The following TBC1D22A variants were observed in gnomAD, a reference collection of about 807,000 sequenced individuals.
The protein encoded by TBC1D22A is putative GTPase activator.
Under a neutral mutation model 60.2 loss-of-function variants are expected in TBC1D22A, and 38 were observed. That is an observed-to-expected ratio of 0.63 (90% CI 0.49 to 0.83). The LOEUF is 0.83. Ranked by LOEUF, TBC1D22A falls within the 40% of genes least tolerant of loss-of-function variation. The probability of loss-of-function intolerance (pLI) is 0.00; values close to 1 mark genes in which losing one functional copy is unlikely to be tolerated. For missense variants in TBC1D22A, 628 were observed against 701.0 expected, an observed-to-expected ratio of 0.90 and a Z score of 1.18; for synonymous variants, 302 against 281.7, an observed-to-expected ratio of 1.07 and a Z score of -0.72.
intron 11 of TBC1D22A, among the ~76,000 whole-genome samples, chr22:47,076,790 T>TA (rs2064245912): frequency 6.6e-6 from 1 of 151,974 alleles, no homozygotes; most frequent in Non-Finnish European, 1.5e-5. Context: ...AAAAAACAGT[T>TA]AAAAAAGAAT....
At chr22:46,769,093 CAAAA>C (rs61105868) in intron 1 of TBC1D22A, among the ~76,000 whole-genome samples, 4 of 72,654 alleles carry the variant, frequency 5.5e-5, no homozygotes, top group Middle Eastern at 9.4e-3. Context: ...GACTCTGTCT[CAAAA>C]AAAAAAAAAA....
intron 5 of TBC1D22A, among the ~76,000 whole-genome samples, chr22:46,890,651 C>G (rs975676044): frequency 6.6e-6 from 1 of 152,160 alleles, no homozygotes; most frequent in Non-Finnish European, 1.5e-5. Flanking sequence ...CCTGGGCAGT[C>G]TGGCCCAGGA....
intron 4 of TBC1D22A, among the ~76,000 whole-genome samples, chr22:46,799,879 C>G (rs959238206): frequency 6.6e-5 from 10 of 152,240 alleles, no homozygotes; most frequent in African/African-American, 2.4e-4. Flanking sequence ...AAGATGTGGA[C>G]TCCGATCACT....
At chr22:46,947,050 C>T (rs2072591029) in intron 8 of TBC1D22A, among the ~76,000 whole-genome samples, 1 of 152,158 alleles carries the variant, frequency 6.6e-6, no homozygotes, top group South Asian at 2.1e-4. Context: ...GCCGAGGGGT[C>T]TTTAGAGACT....
chr22:47,105,768 C>T, intron 11 of TBC1D22A, among the ~76,000 whole-genome samples: 1 of 152,180 alleles, frequency 6.6e-6, no homozygotes, highest in African/African-American at 2.4e-5. Context: ...CCCCCACTCC[C>T]CAAAGAAAAG....
intron 10 of TBC1D22A, among the ~76,000 whole-genome samples, chr22:47,004,389 C>A (rs2061511851): frequency 6.7e-6 from 1 of 150,286 alleles, no homozygotes; most frequent in Non-Finnish European, 1.5e-5. Context: ...CACCCCTGCA[C>A]ACAACCCTTA....
intron 4 of TBC1D22A, among the ~76,000 whole-genome samples, chr22:46,801,163 A>G (rs1274316061): frequency 6.6e-6 from 1 of 152,246 alleles, no homozygotes; most frequent in Non-Finnish European, 1.5e-5. Flanking sequence ...TATCAAATCT[A>G]AAACCAAAAA....
chr22:47,020,392 G>A (rs2062045543), intron 10 of TBC1D22A, among the ~76,000 whole-genome samples: 1 of 152,204 alleles, frequency 6.6e-6, no homozygotes, highest in African/African-American at 2.4e-5. Flanking sequence ...CAACCTCGCT[G>A]TAGACTTGGG....
At chr22:47,035,938 G>C (rs953605599) in intron 10 of TBC1D22A, among the ~76,000 whole-genome samples, 2 of 152,214 alleles carry the variant, frequency 1.3e-5, no homozygotes, top group African/African-American at 4.8e-5. Context: ...CAAGTTACCA[G>C]GGACTTGAGT....
intron 12 of TBC1D22A, among the ~76,000 whole-genome samples, chr22:47,159,126 A>G (rs1245128159): frequency 6.6e-6 from 1 of 151,244 alleles, no homozygotes; most frequent in Non-Finnish European, 1.5e-5. Context: ...ATACACACAC[A>G]CACCAGTTAC....
intron 10 of TBC1D22A, among the ~76,000 whole-genome samples, chr22:47,033,494 G>A (rs898266998): frequency 6.6e-6 from 1 of 152,172 alleles, no homozygotes; most frequent in African/African-American, 2.4e-5. Context: ...GCTCAGTTGT[G>A]TGTACTGGGG....
At chr22:47,122,911 C>T (rs1199097708) in intron 12 of TBC1D22A, among the ~76,000 whole-genome samples, 1 of 152,176 alleles carries the variant, frequency 6.6e-6, no homozygotes, top group African/African-American at 2.4e-5. Flanking sequence ...GAGCCTTGGC[C>T]TATTTGGACT....
intron 4 of TBC1D22A, among the ~76,000 whole-genome samples, chr22:46,859,428 T>TAAA (rs1273134443): frequency 4.0e-4 from 2 of 4,996 alleles, no homozygotes; most frequent in Non-Finnish European, 7.6e-4. Flanking sequence ...GAATCCTTTT[T>TAAA]TGATAGAGGT....
intron 11 of TBC1D22A, among the ~76,000 whole-genome samples, chr22:47,092,142 C>T (rs940313482): frequency 1.3e-5 from 2 of 152,164 alleles, no homozygotes; most frequent in Admixed American, 6.5e-5. Flanking sequence ...GAAGAGGGCA[C>T]GCTGTGTACC....
chr22:47,154,328 C>A (rs1315395812), intron 12 of TBC1D22A, among the ~76,000 whole-genome samples: 1 of 152,234 alleles, frequency 6.6e-6, no homozygotes, highest in African/African-American at 2.4e-5. Flanking sequence ...GTGACCTGCT[C>A]ACCCTCTGAG....
intron 12 of TBC1D22A, among the ~76,000 whole-genome samples, chr22:47,147,118 C>T (rs1386371230): frequency 3.3e-5 from 5 of 152,190 alleles, no homozygotes; most frequent in African/African-American, 1.2e-4. Flanking sequence ...GGAGGAGCAG[C>T]GGCTCCAGCC....
chr22:47,029,618 G>A (rs574830216), intron 10 of TBC1D22A, among the ~76,000 whole-genome samples: 1 of 152,300 alleles, frequency 6.6e-6, no homozygotes, highest in East Asian at 1.9e-4. Context: ...CGGCAGCCTC[G>A]ATCTTGGCCA....
At chr22:47,123,073 G>A (rs9615464) in intron 12 of TBC1D22A, among the ~76,000 whole-genome samples, 9 of 152,166 alleles carry the variant, frequency 5.9e-5, no homozygotes, top group Non-Finnish European at 1.0e-4. Context: ...TATTAATGAC[G>A]ATGAGGTCTC....
At chr22:47,005,744 TC>T (rs997019249) in intron 10 of TBC1D22A, among the ~76,000 whole-genome samples, 4 of 147,774 alleles carry the variant, frequency 2.7e-5, no homozygotes, top group South Asian at 2.2e-4. Context: ...ACATGTACAC[TC>T]CCGTATACAC....
Sources: allele counts gnomAD v4.1 joint callset (sites outside exome capture counted in the v4.1 genomes callset), GRCh38; gene constraint gnomAD v4.1.1; transcripts MANE v1.5; gene names NCBI Gene and HGNC (gene_info 2026-07-23, HGNC 2026-07-21).